Variants in LRFN5 observed in about 807,000 individuals in gnomAD.
LRFN5 encodes the protein leucine rich repeat and fibronectin type III domain containing 5, also known as leucine-rich repeat and fibronectin type-III domain-containing protein 5.
LRFN5 carries 24 observed loss-of-function variants against 45.6 expected under a neutral mutation model. The observed-to-expected ratio is 0.53, with a 90% CI of 0.38 to 0.74. LRFN5 has a LOEUF of 0.74. Among genes scored for constraint, LRFN5 ranks in the 30% least tolerant of loss-of-function variants. The pLI, the probability that LRFN5 is intolerant of heterozygous loss-of-function variation, is 0.00. For synonymous variants in LRFN5, 340 were observed against 313.8 expected, an observed-to-expected ratio of 1.08 and a Z score of -0.88; for missense variants, 776 against 861.5, an observed-to-expected ratio of 0.90 and a Z score of 1.24.
At chr14:41,762,853 C>T (rs997493460) in intron 1 of LRFN5, among the ~76,000 whole-genome samples, 3 of 152,020 alleles carry the variant, frequency 2.0e-5, no homozygotes, top group Non-Finnish European at 4.4e-5. Context: ...TAGGCCAAAA[C>T]ATCTGGCTGT....
At chr14:41,734,733 G>T (rs1298861961) in intron 1 of LRFN5, among the ~76,000 whole-genome samples, 1 of 151,346 alleles carries the variant, frequency 6.6e-6, no homozygotes, top group Non-Finnish European at 1.5e-5. Context: ...TAGATCATTT[G>T]TTATCTCTTC....
rs139820551 is a variant in LRFN5, at chr14:41,636,468, T to C, written c.-197+27906T>C. Among the ~76,000 whole-genome samples the C allele has an allele frequency of 8.8e-3, 1,333 of 152,154 alleles. 18 individuals are homozygous for C. The highest frequency in any genetic ancestry group is 0.03 in the African/African-American group (1,230 of 41,520). On this transcript the variant is annotated intron_variant, in intron 1 of 5. Transcript: ENST00000298119. ...CTCTTGCACTGTTCCTTACTATGGG[T>C]ATTTGTTATGGCTTGCAGGCCCCTC...
intron 2 of LRFN5, among the ~76,000 whole-genome samples, chr14:41,878,937 A>G (rs1594489276): frequency 6.6e-6 from 1 of 152,144 alleles, no homozygotes; most frequent in African/African-American, 2.4e-5. Context: ...GCTTCTTTAC[A>G]TGAGATCTTA....
rs1233748767 is a variant in LRFN5 at position 41,704,446 on chromosome 14, C to CTGTGTGTGTGTGTGTGTGTGTG, written c.-196-62407_-196-62406insGTGTGTGTGTGTGTGTGTGTGT. The stretch of plus-strand genomic sequence containing the variant: ...TCTCTCTCTCTCTCTCTCTCTCTCT[C>CTGTGTGTGTGTGTGTGTGTGTG]TCTGTGTGTGTGTGTCTGTGAGATT... On this transcript the variant is annotated intron_variant, in intron 1 of 5. Transcript: ENST00000298119. Among the ~76,000 whole-genome samples the CTGTGTGTGTGTGTGTGTGTGTG allele has an allele frequency of 2.5e-3, 317 of 126,916 alleles. 3 individuals are homozygous for CTGTGTGTGTGTGTGTGTGTGTG. The highest frequency in any genetic ancestry group is 0.01 in the African/African-American group (288 of 27,924). The allele number at this position is 126,916 out of a possible 152,430, so 83.3% of individuals were successfully genotyped here. A position where few individuals can be genotyped will look rare whatever the true frequency, so the allele number is the denominator to read the frequency against.
chr14:41,755,873 C>G (rs1342168726), intron 1 of LRFN5, among the ~76,000 whole-genome samples: 1 of 152,218 alleles, frequency 6.6e-6, no homozygotes, highest in East Asian at 1.9e-4. Context: ...ATGGTCTTTA[C>G]AATTTGGCAT....
intron 2 of LRFN5, among the ~76,000 whole-genome samples, chr14:41,856,304 C>T (rs945956464): frequency 6.6e-6 from 1 of 152,166 alleles, no homozygotes; most frequent in Non-Finnish European, 1.5e-5. Flanking sequence ...TTAATTCATG[C>T]ATTTAGCAGA....
chr14:41,746,331 TAGA>T (rs144117038), intron 1 of LRFN5, among the ~76,000 whole-genome samples: 2,129 of 151,990 alleles, frequency 0.014, 46 homozygotes, highest in African/African-American at 0.047. Flanking sequence ...ACTCAAAGAA[TAGA>T]AGGAAACTAC....
At chr14:41,738,560 T>A (rs12888369) in intron 1 of LRFN5, among the ~76,000 whole-genome samples, 1 of 152,168 alleles carries the variant, frequency 6.6e-6, no homozygotes, top group African/African-American at 2.4e-5. Flanking sequence ...TCAGAAGTTG[T>A]TTTCTTTTTT....
At position 41,784,420 on chromosome 14, in the gene LRFN5, A is replaced by G. The variant is rs557553543; in HGVS notation, c.-21+17391A>G. On this transcript the variant is annotated intron_variant, in intron 2 of 5. Coordinates refer to ENST00000298119, the MANE Select transcript of LRFN5 (RefSeq NM_152447.5). ...TTTTTTTTAAAAAAACACAGTAATCATTTAGGTTTACCCTCATACTCATGT... is the reference window on the plus strand; with the variant it reads ...TTTTTTTTAAAAAAACACAGTAATCGTTTAGGTTTACCCTCATACTCATGT... Among the ~76,000 whole-genome samples the G allele has an allele frequency of 3.2e-4, 48 of 151,816 alleles. 1 individual carries two copies. The highest frequency in any genetic ancestry group is 5.6e-4 in the Non-Finnish European group (38 of 67,920).
intron 2 of LRFN5, among the ~76,000 whole-genome samples, chr14:41,782,669 T>C (rs1886570632): frequency 6.6e-6 from 1 of 152,148 alleles, no homozygotes; most frequent in Non-Finnish European, 1.5e-5. Context: ...TTATGTTCAT[T>C]TGGCTAGAGA....
At chr14:41,879,023 T>C (rs1288497150) in intron 2 of LRFN5, among the ~76,000 whole-genome samples, 2 of 152,082 alleles carry the variant, frequency 1.3e-5, no homozygotes, top group Admixed American at 6.5e-5. Flanking sequence ...TCACAATTTA[T>C]ATGATTTTTT....
chr14:41,708,569 A>C (rs1179409036), intron 1 of LRFN5, among the ~76,000 whole-genome samples: 1 of 151,984 alleles, frequency 6.6e-6, no homozygotes, highest in Non-Finnish European at 1.5e-5. Context: ...GATTCAAATA[A>C]ATTCCAAGAA....
chr14:41,820,063 T>A (rs754304379), intron 2 of LRFN5, among the ~76,000 whole-genome samples: 6 of 152,086 alleles, frequency 3.9e-5, no homozygotes, highest in Non-Finnish European at 8.8e-5. Context: ...TCCCATTCTG[T>A]AGGTTGTCTG....
chr14:41,904,068 G>T, intron 5 of LRFN5, 90 bp from the exon 6 acceptor site: 1 of 1,135,226 alleles, frequency 8.8e-7, no homozygotes, highest in South Asian at 1.4e-5. Context: ...GTTACTTTTA[G>T]ATTGCTAGCA....
At chr14:41,843,050 G>A (rs773083921) in intron 2 of LRFN5, among the ~76,000 whole-genome samples, 2 of 139,942 alleles carry the variant, frequency 1.4e-5, no homozygotes, top group Non-Finnish European at 3.1e-5. Flanking sequence ...CCACTCTATA[G>A]TTTGTTAAAA....
chr14:41,770,696 T>C (rs1886050324), intron 2 of LRFN5, among the ~76,000 whole-genome samples: 1 of 152,166 alleles, frequency 6.6e-6, no homozygotes, highest in Non-Finnish European at 1.5e-5. Flanking sequence ...ACAGTACACA[T>C]AGCTGCTCTC....
At chr14:41,893,797 AT>A in intron 4 of LRFN5, 2 of 985,330 alleles carry the variant, frequency 2.0e-6, no homozygotes, top group Non-Finnish European at 2.4e-6. Flanking sequence ...CGTTTGCTAA[AT>A]CCCTTCTCTG....
chr14:41,645,794 C>A (rs1231053912), intron 1 of LRFN5, among the ~76,000 whole-genome samples: 1 of 152,104 alleles, frequency 6.6e-6, no homozygotes, highest in Non-Finnish European at 1.5e-5. Flanking sequence ...CAGAGTGAAG[C>A]AGAATTTTCA....
At chr14:41,668,244 A>G (rs1880999470) in intron 1 of LRFN5, among the ~76,000 whole-genome samples, 1 of 152,120 alleles carries the variant, frequency 6.6e-6, no homozygotes, top group African/African-American at 2.4e-5. Context: ...TTAACTCTTC[A>G]CATTTATTAT....
Sources: allele counts gnomAD v4.1 joint callset (sites outside exome capture counted in the v4.1 genomes callset), GRCh38; gene constraint gnomAD v4.1.1; transcripts MANE v1.5; gene names NCBI Gene and HGNC (gene_info 2026-07-23, HGNC 2026-07-21).